GOLGA5: variants seen among roughly 807,000 people sequenced by gnomAD.
GOLGA5 encodes golgin subfamily A member 5.
Under a neutral mutation model 93.5 loss-of-function variants are expected in GOLGA5, and 50 were observed. That is an observed-to-expected ratio of 0.53 (90% CI 0.43 to 0.68). The LOEUF is 0.68. Among genes scored for constraint, GOLGA5 ranks in the 30% least tolerant of loss-of-function variants. The pLI, the probability that GOLGA5 is intolerant of heterozygous loss-of-function variation, is 0.00. For missense variants in GOLGA5, 760 were observed against 856.4 expected (o/e 0.89, Z 1.40); for synonymous variants, 312 against 304.5 (o/e 1.02, Z -0.26).
chr14:92,836,089 T>C (rs1004263488), intron 11 of GOLGA5, among the ~76,000 whole-genome samples: 1 of 152,058 alleles, frequency 6.6e-6, no homozygotes, highest in Non-Finnish European at 1.5e-5. Context: ...TATATATAGC[T>C]GAACAGCACT....
At chr14:92,821,252 C>T (rs1489254931) in intron 8 of GOLGA5, among the ~76,000 whole-genome samples, 1 of 152,120 alleles carries the variant, frequency 6.6e-6, no homozygotes, top group African/African-American at 2.4e-5. Flanking sequence ...AATACAGATA[C>T]AATATTAGTG....
Position 92,797,650 on chromosome 14 carries a change from A to G in GOLGA5, c.213A>G (p.Arg71=). 2 of 1,613,900 alleles carry G rather than the reference A, an allele frequency of 1.2e-6. No homozygotes were observed. Among genetic ancestry groups the G allele is most frequent in the Non-Finnish European group, 1.7e-6 (2 of 1,179,756 alleles). Residue 71 remains arginine, a synonymous_variant, in exon 2 of 13, where the codon CGA becomes CGG. Coordinates refer to ENST00000163416, the MANE Select transcript of GOLGA5 (RefSeq NM_005113.4). ...TTTCATCAGCAGCTGATAACATTCG[A>G]AATCAAAAAGCCACCATCTTAGCTG... ...TYISSAADNI[R]NQKATILAGT... is the part of the protein sequence containing the mutation.
chr14:92,806,341 G>A (rs562103969), intron 2 of GOLGA5, among the ~76,000 whole-genome samples: 56 of 152,230 alleles, frequency 3.7e-4, no homozygotes, highest in African/African-American at 1.2e-3. Context: ...ATGGAGTCTC[G>A]CTCTGTTGCC....
chr14:92,806,693 A>G (rs776007322), intron 2 of GOLGA5, 43 bp from the exon 3 acceptor site: 3 of 1,324,018 alleles, frequency 2.3e-6, no homozygotes, highest in Non-Finnish European at 3.3e-6. Flanking sequence ...TGCATATGTG[A>G]TGAACACGCC....
chr14:92,824,722 C>T, intron 9 of GOLGA5, 78 bp downstream of exon 9: 1 of 744,698 alleles, frequency 1.3e-6, no homozygotes, highest in Non-Finnish European at 2.3e-6. Context: ...ACAGTAAGAA[C>T]TTTCCCCGTG....
At position 92,816,373 on chromosome 14, in the gene GOLGA5, A is replaced by G; in HGVS notation, c.1443A>G (p.Glu481=). Residue 481 remains glutamate (E), a synonymous_variant, in exon 7 of 13, where the codon GAA becomes GAG. Coordinates refer to ENST00000163416, the MANE Select transcript of GOLGA5 (RefSeq NM_005113.4). ...LRHEKEMQRE[E]IQKLMGQIHQ... is the part of the protein sequence containing the mutation. ...ATGAGAAAGAGATGCAGAGGGAGGAAATACAGAAGCTGATGGGCCAGATAC... is the reference window on the plus strand; with the variant it reads ...ATGAGAAAGAGATGCAGAGGGAGGAGATACAGAAGCTGATGGGCCAGATAC... The G allele has an allele frequency of 6.2e-7, 1 of 1,614,090 alleles. No individual in the cohort carries two copies. The highest frequency in any genetic ancestry group is 8.5e-7 in the Non-Finnish European group (1 of 1,179,948).
intron 7 of GOLGA5, among the ~76,000 whole-genome samples, chr14:92,818,787 G>A (rs962361889): frequency 6.6e-6 from 1 of 152,166 alleles, no homozygotes; most frequent in Non-Finnish European, 1.5e-5. Context: ...ATCTTCTGTT[G>A]TGCCATATGA....
chr14:92,816,895 T>TCC (rs1885220823), intron 7 of GOLGA5, among the ~76,000 whole-genome samples: 2 of 151,894 alleles, frequency 1.3e-5, no homozygotes, highest in Non-Finnish European at 2.9e-5. Flanking sequence ...TTTCTTTCCT[T>TCC]TCTTTCCTTT....
At chr14:92,829,933 AGTCAGC>A (rs1350813118) in intron 9 of GOLGA5, among the ~76,000 whole-genome samples, 3 of 152,214 alleles carry the variant, frequency 2.0e-5, no homozygotes, top group Non-Finnish European at 4.4e-5. Context: ...CATTCTGATC[AGTCAGC>A]AGCCATCAAC....
chr14:92,799,365 C>T (rs1884811434), intron 2 of GOLGA5, among the ~76,000 whole-genome samples: 1 of 150,508 alleles, frequency 6.6e-6, no homozygotes, highest in African/African-American at 2.5e-5. Context: ...CAAGCTCCAC[C>T]TCCTGGGTTC....
At position 92,794,658 on chromosome 14, in the gene GOLGA5, T is replaced by A. The variant is rs1414979105; in HGVS notation, c.-31+202T>A. 2.0e-5 allele frequency among the ~76,000 whole-genome samples: 3 copies of A among 152,192 alleles called. No individual in the cohort carries two copies. In the East Asian group the frequency reaches 5.8e-4, roughly 29 times the overall value. On this transcript the variant is annotated intron_variant, in intron 1 of 12. Transcript: ENST00000163416. ...CGTCGTTTACTGCCCTCCTCTGTCT[T>A]CCTTTCTCCTGACCCCTGCCTGGCC...
At chr14:92,839,296 C>A in intron 12 of GOLGA5, 70 bp from the exon 13 acceptor site, 1 of 911,024 alleles carries the variant, frequency 1.1e-6, no homozygotes, top group Non-Finnish European at 1.8e-6. Context: ...TGCCTGCCCT[C>A]AGTGTACAGT....
At chr14:92,821,624 C>A (rs1595599796) in intron 8 of GOLGA5, among the ~76,000 whole-genome samples, 1 of 152,188 alleles carries the variant, frequency 6.6e-6, no homozygotes, top group East Asian at 1.9e-4. Context: ...GTTAGTATTT[C>A]CATCTTTGTG....
chr14:92,797,593 G>A lies in GOLGA5; in HGVS notation c.156G>A (p.Leu52=). Residue 52 remains leucine (L), a synonymous_variant, in exon 2 of 13, where the codon TTG becomes TTA. Transcript: ENST00000163416. ...YTELHQQNTD[L]IYQTGPKSTY... is the part of the protein sequence containing the mutation. ...AACTTCACCAGCAAAATACAGATTT[G>A]ATATATCAGACTGGACCTAAATCTA... 6.2e-7 allele frequency: 1 copy of A among 1,613,564 alleles called. No homozygotes were observed. The highest frequency in any genetic ancestry group is 8.5e-7 in the Non-Finnish European group (1 of 1,179,580).
chr14:92,833,409 A>G (rs1885572627), intron 10 of GOLGA5, 62 bp downstream of exon 10: 1 of 1,193,442 alleles, frequency 8.4e-7, no homozygotes, highest in Non-Finnish European at 1.2e-6. Flanking sequence ...AAAGTTATAG[A>G]AGGACTATTT....
intron 2 of GOLGA5, among the ~76,000 whole-genome samples, chr14:92,806,464 C>T (rs919146126): frequency 6.6e-6 from 1 of 152,108 alleles, no homozygotes; most frequent in Non-Finnish European, 1.5e-5. Flanking sequence ...AGGTGTGTGC[C>T]ACCACACCTG....
chr14:92,839,569 CTTT>C lies in GOLGA5; in HGVS notation c.*126_*128del. 1 of 634,924 alleles carries C rather than the reference CTTT, an allele frequency of 1.6e-6. No individual in the cohort carries two copies. The highest frequency in any genetic ancestry group is 2.7e-5 in the East Asian group (1 of 36,902). The allele number at this position is 634,924 out of a possible 1,614,324, so 39.3% of individuals were successfully genotyped here. On this transcript the variant is annotated 3_prime_UTR_variant, in exon 13 of 13. Coordinates refer to ENST00000163416, the MANE Select transcript of GOLGA5 (RefSeq NM_005113.4). Reference sequence around the variant, plus strand: ...TTATTTTATCACTACAAGCTTTTAACTTTTTAAGTTATTGTACAAGTATTCTAC... The same window carrying C: ...TTATTTTATCACTACAAGCTTTTAACTTAAGTTATTGTACAAGTATTCTAC...
intron 2 of GOLGA5, among the ~76,000 whole-genome samples, chr14:92,799,301 G>C (rs970738744): frequency 4.2e-5 from 6 of 141,630 alleles, no homozygotes; most frequent in Admixed American, 2.1e-4. Context: ...TTTTGAGACG[G>C]AGTCTCACTC....
Position 92,835,553 on chromosome 14 carries a change from A to C in GOLGA5, c.1946-6A>C. The C allele has an allele frequency of 6.3e-7, 1 of 1,575,092 alleles. No individual in the cohort carries two copies. Among genetic ancestry groups the C allele is most frequent in the African/African-American group, 1.3e-5 (1 of 74,246 alleles). Reference sequence around the variant, plus strand: ...AGTACACTAATTTATTTTCTTATTTAAACAGGCACTCGTCTGCGAAATGTT... The same window carrying C: ...AGTACACTAATTTATTTTCTTATTTCAACAGGCACTCGTCTGCGAAATGTT... On this transcript the variant is annotated splice_region_variant and splice_polypyrimidine_tract_variant and intron_variant, in intron 10 of 12. Coordinates refer to ENST00000163416, the MANE Select transcript of GOLGA5 (RefSeq NM_005113.4).
Sources: gnomAD v4.1 joint callset for allele counts (sites outside exome capture counted in the v4.1 genomes callset) on GRCh38, gnomAD v4.1.1 for gene constraint, MANE v1.5 for transcripts, NCBI Gene and HGNC (gene_info 2026-07-23, HGNC 2026-07-21) for gene names.